RPH3A: variants seen among roughly 807,000 people sequenced by gnomAD.
RPH3A encodes rabphilin-3A.
A neutral mutation model predicts 102.2 loss-of-function variants in RPH3A; 48 were observed. The observed-to-expected ratio is 0.47, with a 90% CI of 0.37 to 0.60. The LOEUF (loss-of-function observed/expected upper bound fraction) is 0.60, where lower values mean the gene tolerates loss of function less well. RPH3A is among the 20% of genes least tolerant of loss of function. RPH3A has a pLI of 0.00. For missense variants in RPH3A, 781 were observed against 910.1 expected, an observed-to-expected ratio of 0.86 and a Z score of 1.83; for synonymous variants, 310 against 324.3, an observed-to-expected ratio of 0.96 and a Z score of 0.47.
rs769644875 is a variant in RPH3A at position 112,894,669 on chromosome 12, C to T, written c.1857+10C>T. The stretch of plus-strand genomic sequence containing the variant: ...TCCCGAATTCAATGAGGTAAGGCTG[C>T]CCTATTCTTTTTCATGCTCTGGGAT... On this transcript the variant is annotated intron_variant, in intron 20 of 21. Transcript: ENST00000389385. The T allele has an allele frequency of 1.9e-6, 3 of 1,611,436 alleles. No homozygotes were observed. The highest frequency in any genetic ancestry group is 2.5e-6 in the Non-Finnish European group (3 of 1,178,920).
intron 1 of RPH3A, among the ~76,000 whole-genome samples, chr12:112,716,522 A>G (rs965302143): frequency 1.3e-5 from 2 of 152,218 alleles, no homozygotes; most frequent in African/African-American, 4.8e-5. Flanking sequence ...ATCTTCACGT[A>G]TCGCTTCTGT....
At chr12:112,631,194 CTT>C (rs1844231166) in intron 1 of RPH3A, among the ~76,000 whole-genome samples, 1 of 152,162 alleles carries the variant, frequency 6.6e-6, no homozygotes, top group East Asian at 1.9e-4. Flanking sequence ...GGACACAAAA[CTT>C]TACACCTCTA....
chr12:112,821,214 T>C (rs2041772717), intron 2 of RPH3A, among the ~76,000 whole-genome samples: 1 of 152,214 alleles, frequency 6.6e-6, no homozygotes, highest in Admixed American at 6.5e-5. Flanking sequence ...GTCGCCGTCT[T>C]TCTCTTTGGT....
At chr12:112,594,699 A>G (rs1056124005) in intron 1 of RPH3A, among the ~76,000 whole-genome samples, 2 of 152,152 alleles carry the variant, frequency 1.3e-5, no homozygotes, top group African/African-American at 2.4e-5. Flanking sequence ...TTTAGTTGCT[A>G]TTGATGTGGG....
chr12:112,738,693 C>T (rs546538643), intron 1 of RPH3A, among the ~76,000 whole-genome samples: 45 of 152,254 alleles, frequency 3.0e-4, no homozygotes, highest in African/African-American at 1.1e-3. Flanking sequence ...GCAGATGACT[C>T]ACCGGATGGT....
chr12:112,714,385 C>T (rs1191038659), intron 1 of RPH3A, among the ~76,000 whole-genome samples: 1 of 152,092 alleles, frequency 6.6e-6, no homozygotes, highest in Admixed American at 6.5e-5. Flanking sequence ...ACTCAGGGTG[C>T]GTGCAGGAGC....
At chr12:112,827,289 T>C (rs979545782) in intron 2 of RPH3A, among the ~76,000 whole-genome samples, 1 of 152,242 alleles carries the variant, frequency 6.6e-6, no homozygotes, top group Non-Finnish European at 1.5e-5. Flanking sequence ...ATACTTTATA[T>C]AGGTGGAATC....
intron 5 of RPH3A, among the ~76,000 whole-genome samples, chr12:112,859,505 T>A (rs2042471806): frequency 6.6e-6 from 1 of 152,246 alleles, no homozygotes; most frequent in Non-Finnish European, 1.5e-5. Flanking sequence ...TGATTATCGC[T>A]GTGAATATCT....
chr12:112,761,227 G>A (rs976326296), intron 1 of RPH3A, among the ~76,000 whole-genome samples: 1 of 152,164 alleles, frequency 6.6e-6, no homozygotes, highest in African/African-American at 2.4e-5. Flanking sequence ...TGCTCAAGAA[G>A]GCTTATCACA....
intron 1 of RPH3A, among the ~76,000 whole-genome samples, chr12:112,777,784 A>G (rs2040978825): frequency 6.6e-6 from 1 of 152,226 alleles, no homozygotes; most frequent in Admixed American, 6.5e-5. Context: ...ACAGGCTGCA[A>G]TTTTGCTAAA....
At chr12:112,872,604 T>C (rs1029409342) in intron 10 of RPH3A, among the ~76,000 whole-genome samples, 1 of 152,212 alleles carries the variant, frequency 6.6e-6, no homozygotes, top group Admixed American at 6.5e-5. Flanking sequence ...TTTAGTGTCA[T>C]ATCTAAGAAA....
At chr12:112,703,549 T>C (rs2040408780) in intron 1 of RPH3A, among the ~76,000 whole-genome samples, 1 of 152,218 alleles carries the variant, frequency 6.6e-6, no homozygotes, top group African/African-American at 2.4e-5. Flanking sequence ...TTGACCCACT[T>C]CCTTGTAACA....
chr12:112,759,094 A>G (rs1056423234), intron 1 of RPH3A, among the ~76,000 whole-genome samples: 3 of 152,212 alleles, frequency 2.0e-5, no homozygotes, highest in Admixed American at 1.3e-4. Context: ...TTTTCAATTG[A>G]ACACATGTGT....
intron 1 of RPH3A, among the ~76,000 whole-genome samples, chr12:112,585,107 A>G (rs1340218002): frequency 6.6e-6 from 1 of 152,174 alleles, no homozygotes; most frequent in Non-Finnish European, 1.5e-5. Flanking sequence ...GGCAGGAAGC[A>G]TCCAGCAGGG....
chr12:112,831,759 G>T (rs533886281), intron 3 of RPH3A: 2 of 455,718 alleles, frequency 4.4e-6, no homozygotes, highest in Admixed American at 2.4e-5. Flanking sequence ...CAGCATTCTA[G>T]GTGGACTTTG....
At chr12:112,838,113 C>T (rs562494488) in intron 4 of RPH3A, among the ~76,000 whole-genome samples, 1 of 152,222 alleles carries the variant, frequency 6.6e-6, no homozygotes, top group African/African-American at 2.4e-5. Flanking sequence ...CTGTGGAGCA[C>T]AAAGACAGTC....
chr12:112,877,425 C>CACACACACACACACACACACACGTAT (rs2042825365), intron 13 of RPH3A, among the ~76,000 whole-genome samples: 2 of 143,220 alleles, frequency 1.4e-5, no homozygotes, highest in East Asian at 4.1e-4. Context: ...CGTATACACA[C>CACACACACACACACACACACACGTAT]ACACACACAC....
intron 1 of RPH3A, among the ~76,000 whole-genome samples, chr12:112,725,996 C>T (rs1380660249): frequency 2.6e-5 from 4 of 151,992 alleles, no homozygotes; most frequent in East Asian, 3.9e-4. Context: ...AGGGTTTCAC[C>T]GTGTAAGCCA....
intron 1 of RPH3A, among the ~76,000 whole-genome samples, chr12:112,632,443 T>G (rs770991135): frequency 3.3e-5 from 5 of 152,184 alleles, no homozygotes; most frequent in Non-Finnish European, 7.3e-5. Flanking sequence ...AAGAGCAATT[T>G]CTCACCCTTT....
Sources: allele counts gnomAD v4.1 joint callset (sites outside exome capture counted in the v4.1 genomes callset), GRCh38; gene constraint gnomAD v4.1.1; transcripts MANE v1.5; gene names NCBI Gene and HGNC (gene_info 2026-07-23, HGNC 2026-07-21).